CAPN14: variants seen among roughly 807,000 people sequenced by gnomAD.
The protein encoded by CAPN14 is calpain-14.
CAPN14 carries 94 observed loss-of-function variants against 101.3 expected under a neutral mutation model. The observed-to-expected ratio is 0.93, with a 90% CI of 0.79 to 1.10. The LOEUF (loss-of-function observed/expected upper bound fraction) is 1.10. CAPN14 is among the 50% of genes least tolerant of loss of function. CAPN14 has a pLI of 0.00. For synonymous variants in CAPN14, 338 were observed against 317.9 expected, an observed-to-expected ratio of 1.06 and a Z score of -0.67; for missense variants, 837 against 828.4, an observed-to-expected ratio of 1.01 and a Z score of -0.13.
chr2:31,202,999 A>G, intron 3 of CAPN14, 71 bp downstream of exon 3: 1 of 1,324,364 alleles, frequency 7.6e-7, no homozygotes, highest in Non-Finnish European at 1.1e-6. Context: ...TTCTTTATCA[A>G]CCACTCTGTC....
At chr2:31,203,259 G>C (rs1267288521) in intron 2 of CAPN14, 120 bp from the exon 3 acceptor site, 1 of 716,566 alleles carries the variant, frequency 1.4e-6, no homozygotes, top group Non-Finnish European at 2.4e-6. Flanking sequence ...ACAGAATATA[G>C]GTGTAATCAG....
chr2:31,225,523 GATGA>G (rs1349996016), intron 2 of CAPN14, among the ~76,000 whole-genome samples: 1 of 151,800 alleles, frequency 6.6e-6, no homozygotes, highest in Admixed American at 6.6e-5. Context: ...TAAAACCATG[GATGA>G]ATATTTACAT....
intron 1 of CAPN14, among the ~76,000 whole-genome samples, chr2:31,216,924 T>A (rs1227933878): frequency 6.6e-6 from 1 of 152,148 alleles, no homozygotes; most frequent in Non-Finnish European, 1.5e-5. Flanking sequence ...CCAGTGTGTT[T>A]TTCACATCTA....
At chr2:31,177,710 G>A (rs570806158) in intron 19 of CAPN14, 36 bp downstream of exon 19, 36 of 1,467,692 alleles carry the variant, frequency 2.5e-5, no homozygotes, top group African/African-American at 1.1e-4. Flanking sequence ...CACCCTGCCC[G>A]TGTGTGCCCA....
chr2:31,184,345 T>C (rs891226777), intron 16 of CAPN14, among the ~76,000 whole-genome samples: 3 of 152,164 alleles, frequency 2.0e-5, no homozygotes, highest in Non-Finnish European at 4.4e-5. Flanking sequence ...CATAAAACGG[T>C]ATTTGTCTCT....
intron 8 of CAPN14, among the ~76,000 whole-genome samples, chr2:31,195,955 T>C (rs539166140): frequency 6.6e-6 from 1 of 152,110 alleles, no homozygotes; most frequent in South Asian, 2.1e-4. Flanking sequence ...AAACAGTCCA[T>C]AGAAACCACC....
intron 14 of CAPN14, 135 bp downstream of exon 14, chr2:31,188,183 G>A: frequency 1.3e-6 from 1 of 780,712 alleles, no homozygotes; most frequent in Non-Finnish European, 2.2e-6. Context: ...GATACAACGG[G>A]TAATGTTTGC....
At chr2:31,197,899 T>C (rs1245283287) in intron 7 of CAPN14, among the ~76,000 whole-genome samples, 13 of 152,186 alleles carry the variant, frequency 8.5e-5, no homozygotes, top group Non-Finnish European at 1.3e-4. Context: ...AGAGGGAGCA[T>C]GTCCCTGCTC....
Position 31,191,954 on chromosome 2 carries a change from A to G in CAPN14, c.1259T>C (p.Ile420Thr), listed in dbSNP as rs1367271831. ...RCRKRKPLLA[I>T]GFYLYRMNKY... is the part of the protein sequence containing the mutation. ...ACCTACCCTATACAGGTAGAAGCCA[A>G]TGGCGAGGAGAGGCTTCCGCTTGCG... The change falls in exon 11 of 22, where the codon ATT becomes ACT. Residue 420 changes from isoleucine (I) to threonine (T), a missense_variant. Ile to Thr is a moderately conservative substitution (Grantham distance 89). Transcript: ENST00000403897. 1 of 1,551,174 alleles carries G rather than the reference A, an allele frequency of 6.4e-7. No homozygotes were observed. The highest frequency in any genetic ancestry group is 8.7e-7 in the Non-Finnish European group (1 of 1,146,724).
At chr2:31,180,023 T>C (rs769299248) in intron 17 of CAPN14, among the ~76,000 whole-genome samples, 7 of 152,328 alleles carry the variant, frequency 4.6e-5, no homozygotes, top group Non-Finnish European at 5.9e-5. Context: ...TTTACATTTT[T>C]TTAAGTTTAA....
At position 31,193,115 on chromosome 2, in the gene CAPN14, C is replaced by T. The variant is rs1284139731; in HGVS notation, c.1114+16G>A. 1.9e-6 allele frequency: 3 copies of T among 1,547,016 alleles called. No homozygotes were observed. In the Admixed American group the frequency reaches 5.9e-5, roughly 30 times the overall value. On this transcript the variant is annotated intron_variant, in intron 10 of 21. Transcript: ENST00000403897. Reference sequence around the variant, plus strand: ...CAACCTCACCCTGAGAGCCCTGCTCCTGTGCACATGCTCACCCTGCAGCAA... The same window carrying T: ...CAACCTCACCCTGAGAGCCCTGCTCTTGTGCACATGCTCACCCTGCAGCAA...
intron 6 of CAPN14, 85 bp downstream of exon 6, chr2:31,200,366 C>T (rs1423367283): frequency 1.6e-6 from 2 of 1,266,420 alleles, no homozygotes; most frequent in Non-Finnish European, 2.2e-6. Flanking sequence ...GCCCTGAGCC[C>T]ACACCCAGGT....
intron 7 of CAPN14, among the ~76,000 whole-genome samples, chr2:31,198,982 T>C (rs765735073): frequency 1.3e-5 from 2 of 152,220 alleles, no homozygotes; most frequent in Non-Finnish European, 2.9e-5. Flanking sequence ...GTTTCAACTT[T>C]GCTTCCTCCT....
Position 31,191,289 on chromosome 2 carries a change from T to C in CAPN14, c.1287+110A>G, listed in dbSNP as rs886776509. The C allele has an allele frequency of 4.7e-6, 5 of 1,063,878 alleles. No homozygotes were observed. In the African/African-American group the frequency reaches 8.2e-5, roughly 17 times the overall value. The allele number at this position is 1,063,878 out of a possible 1,614,324, so 65.9% of individuals were successfully genotyped here. On this transcript the variant is annotated intron_variant, in intron 12 of 21. Transcript: ENST00000403897. ...ACATTCTCATCATCTGGCATTATCA[T>C]AGCTTCTTACGCAGTAGAAGCCTGC...
At chr2:31,189,886 C>T (rs1681091279) in intron 12 of CAPN14, among the ~76,000 whole-genome samples, 1 of 152,146 alleles carries the variant, frequency 6.6e-6, no homozygotes, top group South Asian at 2.1e-4. Flanking sequence ...TTCCAATGCT[C>T]CTGTTCTTTA....
chr2:31,212,269 C>T (rs1682438103), intron 1 of CAPN14, among the ~76,000 whole-genome samples: 1 of 148,812 alleles, frequency 6.7e-6, no homozygotes. Context: ...GAGATCCCAC[C>T]ACTGCACTCC....
chr2:31,179,406 T>C (rs1458374147), intron 17 of CAPN14, among the ~76,000 whole-genome samples: 1 of 152,188 alleles, frequency 6.6e-6, no homozygotes, highest in Non-Finnish European at 1.5e-5. Context: ...GAACTCATCT[T>C]TTTATATGGC....
rs374644307 is a variant in CAPN14 at position 31,205,517 on chromosome 2, C to T, written c.-52-18G>A. On this transcript the variant is annotated intron_variant, in intron 1 of 21. Transcript: ENST00000403897. Reference sequence around the variant, plus strand: ...TGCTGCTCCTGAAATGGAGAGAGGACGGTCAGTTTCCTCACTTCCTCCTTG... The same window carrying T: ...TGCTGCTCCTGAAATGGAGAGAGGATGGTCAGTTTCCTCACTTCCTCCTTG... 5.8e-5 allele frequency: 74 copies of T among 1,266,142 alleles called. 1 individual carries two copies. The Middle Eastern group carries it at 6.1e-4, about 11-fold the overall frequency. 78.4% of individuals were successfully genotyped at this position (1,266,142 alleles called of 1,614,324 possible).
chr2:31,204,038 G>T (rs1681944043), intron 2 of CAPN14, among the ~76,000 whole-genome samples: 1 of 152,200 alleles, frequency 6.6e-6, no homozygotes, highest in Non-Finnish European at 1.5e-5. Flanking sequence ...GGGGTAGGAG[G>T]TTGGAGAGAT....
Sources: allele counts gnomAD v4.1 joint callset (sites outside exome capture counted in the v4.1 genomes callset), GRCh38; gene constraint gnomAD v4.1.1; transcripts MANE v1.5; gene names NCBI Gene and HGNC (gene_info 2026-07-23, HGNC 2026-07-21).